Variants in FCGR2A observed in about 807,000 individuals in gnomAD.
FCGR2A encodes Fc gamma receptor IIa.
Under a neutral mutation model 29.3 loss-of-function variants are expected in FCGR2A, and 18 were observed. That is an observed-to-expected ratio of 0.62 (90% CI 0.43 to 0.91). The LOEUF is 0.91. FCGR2A is among the 40% of genes least tolerant of loss of function. FCGR2A has a pLI of 0.00. For synonymous variants in FCGR2A, 126 were observed against 144.8 expected (o/e 0.87, Z 0.93); for missense variants, 287 against 393.0 (o/e 0.73, Z 2.28).
chr1:161,508,453 T>C (rs1333887056), intron 3 of FCGR2A, among the ~76,000 whole-genome samples: 1 of 151,912 alleles, frequency 6.6e-6, no homozygotes, highest in Non-Finnish European at 1.5e-5. Context: ...CCGGGCGTGA[T>C]GGCGCATGCC....
chr1:161,520,683 A>G (rs1676416358), downstream of FCGR2A, among the ~76,000 whole-genome samples: 1 of 151,390 alleles, frequency 6.6e-6, no homozygotes, highest in Non-Finnish European at 1.5e-5. Flanking sequence ...GATTACTCCA[A>G]TAGCCTCCTG....
intron 1 of FCGR2A, 185 bp downstream of exon 1, chr1:161,505,737 T>C (rs1237191633): frequency 4.2e-6 from 3 of 710,630 alleles, no homozygotes; most frequent in Non-Finnish European, 7.5e-6. Flanking sequence ...GGTAGTTTCA[T>C]AGTCCCTGGA....
chr1:161,511,285 G>T (rs1466559855), intron 5 of FCGR2A, among the ~76,000 whole-genome samples: 1 of 152,178 alleles, frequency 6.6e-6, no homozygotes, highest in African/African-American at 2.4e-5. Flanking sequence ...TCCAGGCACT[G>T]GGCCAAGGCA....
At chr1:161,507,644 T>C (rs537650264) in intron 3 of FCGR2A, among the ~76,000 whole-genome samples, 1 of 152,204 alleles carries the variant, frequency 6.6e-6, no homozygotes, top group African/African-American at 2.4e-5. Context: ...TCGCTTTCTG[T>C]TGATGGTGCT....
chr1:161,506,622 G>T (rs757311074), intron 3 of FCGR2A, 31 bp downstream of exon 3: 2 of 1,613,382 alleles, frequency 1.2e-6, no homozygotes, highest in South Asian at 2.2e-5. Flanking sequence ...GGGTGGACCT[G>T]GGAGGGCCAG....
chr1:161,517,649 A>G (rs538508987), intron 6 of FCGR2A, among the ~76,000 whole-genome samples: 81 of 152,240 alleles, frequency 5.3e-4, no homozygotes, highest in Non-Finnish European at 9.0e-4. Context: ...GCCAGATAAG[A>G]ATGTAGTTTC....
intron 3 of FCGR2A, among the ~76,000 whole-genome samples, chr1:161,506,907 C>T (rs1358480869): frequency 6.6e-6 from 1 of 152,158 alleles, no homozygotes; most frequent in African/African-American, 2.4e-5. Context: ...AAAAACTACC[C>T]TCCTCCTGTG....
At chr1:161,517,193 A>G (rs1202339578) in intron 6 of FCGR2A, among the ~76,000 whole-genome samples, 1 of 151,630 alleles carries the variant, frequency 6.6e-6, no homozygotes, top group African/African-American at 2.4e-5. Flanking sequence ...CAAGCAATAC[A>G]ATCTAAAATG....
intron 6 of FCGR2A, among the ~76,000 whole-genome samples, chr1:161,517,509 G>C (rs1230948723): frequency 2.0e-5 from 3 of 152,162 alleles, no homozygotes; most frequent in Admixed American, 1.3e-4. Context: ...TAGGAAAACA[G>C]AATAATAAAT....
intron 5 of FCGR2A, among the ~76,000 whole-genome samples, chr1:161,512,043 T>A (rs1675829705): frequency 6.6e-6 from 1 of 152,158 alleles, no homozygotes; most frequent in Non-Finnish European, 1.5e-5. Context: ...CAGTCCCAGA[T>A]ACAGAGGAGA....
chr1:161,512,689 A>T (rs1159702983), intron 5 of FCGR2A, among the ~76,000 whole-genome samples: 1 of 152,000 alleles, frequency 6.6e-6, no homozygotes, highest in South Asian at 2.1e-4. Context: ...GGCAGGAAAA[A>T]GGCTGTCAAA....
At chr1:161,514,804 A>G (rs1676043996) in intron 6 of FCGR2A, 1 of 151,504 alleles carries the variant, frequency 6.6e-6, no homozygotes, top group Admixed American at 6.6e-5. Flanking sequence ...CCAGAGGTCA[A>G]ATTGGGTACT....
At chr1:161,512,712 G>A (rs1487850858) in intron 5 of FCGR2A, among the ~76,000 whole-genome samples, 1 of 152,114 alleles carries the variant, frequency 6.6e-6, no homozygotes, top group Non-Finnish European at 1.5e-5. Context: ...CCGCACCTCA[G>A]ATGGCTGGAG....
At position 161,519,400 on chromosome 1, in the gene FCGR2A, A is replaced by G. The variant is rs1361224429; in HGVS notation, c.*1252A>G. 1 of 152,522 alleles carries G rather than the reference A, an allele frequency of 6.6e-6. No homozygotes were observed. Among genetic ancestry groups the G allele is most frequent in the Admixed American group, 6.5e-5 (1 of 15,276 alleles). 9.4% of individuals were successfully genotyped at this position (152,522 alleles called of 1,614,324 possible). A position where few individuals can be genotyped will look rare whatever the true frequency, so the allele number is the denominator to read the frequency against. On this transcript the variant is annotated 3_prime_UTR_variant, in exon 7 of 7. Transcript: ENST00000271450. ...ATGAGAAACGCTTATGTTACAGGTT[A>G]CATGAGAGCAATCATGTAAGTCTAT...
chr1:161,512,192 G>A (rs546542060), intron 5 of FCGR2A, among the ~76,000 whole-genome samples: 9 of 150,172 alleles, frequency 6.0e-5, no homozygotes, highest in East Asian at 3.9e-4. Context: ...GAGGCCAATC[G>A]GACGTGGGAG....
intron 5 of FCGR2A, chr1:161,513,263 A>G (rs1327864667): frequency 1.3e-5 from 2 of 150,116 alleles, no homozygotes; most frequent in Admixed American, 1.3e-4. Flanking sequence ...TTGGACACTA[A>G]CCAGAGAAAG....
intron 6 of FCGR2A, 43 bp from the exon 7 acceptor site, chr1:161,517,932 G>C: frequency 6.7e-7 from 1 of 1,493,442 alleles, no homozygotes; most frequent in South Asian, 1.1e-5. Context: ...TTACCTCCCC[G>C]GTGTATTGAA....
chr1:161,509,626 ACTT>A (rs1675631256), intron 3 of FCGR2A, among the ~76,000 whole-genome samples, 191 bp from the exon 4 acceptor site: 1 of 152,160 alleles, frequency 6.6e-6, no homozygotes, highest in South Asian at 2.1e-4. Context: ...ACCTCTGAAA[ACTT>A]CTGCTTTTAG....
chr1:161,523,988 G>C (rs933916995), downstream of FCGR2A: 2 of 155,424 alleles, frequency 1.3e-5, no homozygotes, highest in East Asian at 3.9e-4. Flanking sequence ...TAAGGAACCA[G>C]GCACCGTCTT....
Sources: allele counts gnomAD v4.1 joint callset (sites outside exome capture counted in the v4.1 genomes callset), GRCh38; gene constraint gnomAD v4.1.1; transcripts MANE v1.5; gene names NCBI Gene and HGNC (gene_info 2026-07-23, HGNC 2026-07-21).